ENOX2: variants seen among roughly 807,000 people sequenced by gnomAD.
ENOX2 encodes the protein APK1 antigen.
Under a neutral mutation model 45.0 loss-of-function variants are expected in ENOX2, and 36 were observed. The observed-to-expected ratio is 0.80, with a 90% CI of 0.61 to 1.06. The LOEUF (loss-of-function observed/expected upper bound fraction) is 1.06, where lower values mean the gene tolerates loss of function less well. Among genes scored for constraint, ENOX2 ranks in the 50% least tolerant of loss-of-function variants. ENOX2 has a pLI of 0.00. For synonymous variants in ENOX2, 174 were observed against 152.3 expected (o/e 1.14, Z -1.05); for missense variants, 423 against 462.5 (o/e 0.91, Z 0.78).
intron 2 of ENOX2, among the ~76,000 whole-genome samples, chrX:130,813,008 C>T (rs942432838): frequency 1.4e-4 from 16 of 111,886 alleles, no homozygotes; most frequent in East Asian, 2.8e-4. Flanking sequence ...AGTGACATGA[C>T]GCTAAAAGAA....
Position 130,786,553 on chromosome X carries a change from C to G in ENOX2, c.-182-2863G>C, listed in dbSNP as rs1170756982. ...TATCTCCCAATGCTATCCCTCCCCC[C>G]TCCCCCCACCCCACCACAGTCCCCA... On this transcript the variant is annotated intron_variant, in intron 2 of 14. Transcript: ENST00000394363. 3.0e-3 allele frequency among the ~76,000 whole-genome samples: 231 copies of G among 77,419 alleles called. 1 individual carries two copies. Among genetic ancestry groups the G allele is most frequent in the African/African-American group, 0.01 (214 of 20,935 alleles). The allele number at this position is 77,419 out of a possible 115,157, so 67.2% of individuals were successfully genotyped here.
intron 2 of ENOX2, among the ~76,000 whole-genome samples, chrX:130,891,063 G>A (rs1603380735): frequency 3.6e-5 from 4 of 111,590 alleles, no homozygotes; most frequent in Admixed American, 1.9e-4. Context: ...ATACTTGGCC[G>A]GGCATGGTGG....
chrX:130,861,978 A>G (rs1239447258), intron 2 of ENOX2, among the ~76,000 whole-genome samples: 1 of 111,651 alleles, frequency 9.0e-6, no homozygotes, highest in Non-Finnish European at 1.9e-5. Context: ...GTTTATACCA[A>G]TAAAGTGGTT....
intron 2 of ENOX2, among the ~76,000 whole-genome samples, chrX:130,844,319 A>G (rs2078061946): frequency 9.0e-6 from 1 of 111,617 alleles, no homozygotes; most frequent in African/African-American, 3.3e-5. Context: ...TGGCACTGTG[A>G]TGATCTGGTT....
At chrX:130,741,007 C>T (rs1221480165) in intron 3 of ENOX2, among the ~76,000 whole-genome samples, 1 of 111,566 alleles carries the variant, frequency 9.0e-6, no homozygotes, top group Non-Finnish European at 1.9e-5. Flanking sequence ...AGTGCTGGCA[C>T]ATGAAAGCAC....
intron 2 of ENOX2, among the ~76,000 whole-genome samples, chrX:130,845,911 AAAG>A (rs1317622132): frequency 8.9e-6 from 1 of 112,683 alleles, no homozygotes; most frequent in Non-Finnish European, 1.9e-5. Context: ...GTACAGAAAA[AAAG>A]AAAACTTTCA....
intron 3 of ENOX2, chrX:130,709,296 T>G (rs753449859): frequency 3.3e-6 from 4 of 1,201,677 alleles, no homozygotes; most frequent in African/African-American, 1.7e-5. Context: ...TTGCATTGTG[T>G]GGTCCTCAAC....
chrX:130,757,738 C>CTT (rs375819441), intron 3 of ENOX2, among the ~76,000 whole-genome samples: 2 of 104,513 alleles, frequency 1.9e-5, no homozygotes, highest in East Asian at 2.9e-4. Context: ...ACTACGCATT[C>CTT]TTTTTTTTTT....
chrX:130,783,460 CATA>C (rs1231378710), intron 3 of ENOX2, 84 bp downstream of exon 3: 1 of 301,974 alleles, frequency 3.3e-6, no homozygotes, highest in East Asian at 1.1e-4. Context: ...CAAGCTCTAG[CATA>C]GTATGTGACC....
intron 3 of ENOX2, among the ~76,000 whole-genome samples, chrX:130,710,815 T>C (rs2038169450): frequency 8.9e-6 from 1 of 111,752 alleles, no homozygotes; most frequent in African/African-American, 3.3e-5. Flanking sequence ...CTATTAACGC[T>C]TTCAGCATGG....
At chrX:130,674,752 A>T (rs1171490871) in intron 6 of ENOX2, among the ~76,000 whole-genome samples, 2 of 101,930 alleles carry the variant, frequency 2.0e-5, no homozygotes, top group Non-Finnish European at 4.0e-5. Flanking sequence ...ATATCTCCTA[A>T]TGCTATCCCT....
intron 3 of ENOX2, among the ~76,000 whole-genome samples, chrX:130,725,595 T>C (rs973224295): frequency 9.1e-6 from 1 of 109,978 alleles, no homozygotes; most frequent in African/African-American, 3.3e-5. Flanking sequence ...CACATGTCTA[T>C]TCAATGGGGC....
Position 130,785,264 on chromosome X carries a change from G to A in ENOX2, c.-182-1574C>T, listed in dbSNP as rs186812313. Reference sequence around the variant, plus strand: ...CGCTTGCACCCGGTAGGCAGAGGTTGCAGTGAGCCGAGATCGTGCCATTGC... The same window carrying A: ...CGCTTGCACCCGGTAGGCAGAGGTTACAGTGAGCCGAGATCGTGCCATTGC... On this transcript the variant is annotated intron_variant, in intron 2 of 14. Transcript: ENST00000394363. Among the ~76,000 whole-genome samples, 16 of 106,395 alleles carry A rather than the reference G, an allele frequency of 1.5e-4. No homozygotes were observed. The East Asian group carries it at 4.2e-3, about 28-fold the overall frequency. The allele number at this position is 106,395 out of a possible 115,157, so 92.4% of individuals were successfully genotyped here.
At chrX:130,663,600 T>C (rs2036755833) in intron 9 of ENOX2, among the ~76,000 whole-genome samples, 1 of 107,422 alleles carries the variant, frequency 9.3e-6, no homozygotes, top group Non-Finnish European at 1.9e-5. Flanking sequence ...GCTCCCTTCC[T>C]CCTGCAAAAA....
At chrX:130,742,271 T>C (rs2039002076) in intron 3 of ENOX2, among the ~76,000 whole-genome samples, 1 of 99,329 alleles carries the variant, frequency 1.0e-5, no homozygotes, top group Admixed American at 1.1e-4. Context: ...TTTTTTTTTT[T>C]TTTGTGAAAG....
intron 3 of ENOX2, among the ~76,000 whole-genome samples, chrX:130,727,904 C>T (rs2038643243): frequency 8.9e-6 from 1 of 112,159 alleles, no homozygotes; most frequent in Non-Finnish European, 1.9e-5. Flanking sequence ...GGACTATTAC[C>T]TGAGCTATGT....
Position 130,741,828 on chromosome X carries a change from G to A in ENOX2, c.-38-38574C>T, listed in dbSNP as rs186111596. Reference sequence around the variant, plus strand: ...AGAGACGGAGAACAATGCAATCTTTGAATGTGAGGGACTGAAGAGAGTCAA... The same window carrying A: ...AGAGACGGAGAACAATGCAATCTTTAAATGTGAGGGACTGAAGAGAGTCAA... On this transcript the variant is annotated intron_variant, in intron 3 of 14. Coordinates refer to ENST00000394363, the MANE Select transcript of ENOX2 (RefSeq NM_006375.4). 3.8e-3 allele frequency among the ~76,000 whole-genome samples: 430 copies of A among 111,749 alleles called. 1 individual carries two copies. Among genetic ancestry groups the A allele is most frequent in the African/African-American group, 0.014 (416 of 30,735 alleles).
At chrX:130,769,519 A>G (rs1424661686) in intron 3 of ENOX2, among the ~76,000 whole-genome samples, 2 of 112,178 alleles carry the variant, frequency 1.8e-5, no homozygotes, top group Non-Finnish European at 3.8e-5. Context: ...ACTTTCATGT[A>G]AACTCAGTAA....
chrX:130,646,576 G>A (rs998778309), intron 10 of ENOX2, among the ~76,000 whole-genome samples: 2 of 112,288 alleles, frequency 1.8e-5, no homozygotes, highest in Non-Finnish European at 3.8e-5. Flanking sequence ...AGATGAAACC[G>A]CAGGCCAGGC....
Sources: gnomAD v4.1 joint callset for allele counts (sites outside exome capture counted in the v4.1 genomes callset) on GRCh38, gnomAD v4.1.1 for gene constraint, MANE v1.5 for transcripts, NCBI Gene and HGNC (gene_info 2026-07-23, HGNC 2026-07-21) for gene names.